Variants in SPECC1L observed in about 807,000 individuals in gnomAD.
SPECC1L encodes cytospin-A.
A neutral mutation model predicts 116.8 loss-of-function variants in SPECC1L; 40 were observed. The observed-to-expected ratio is 0.34, with a 90% CI of 0.27 to 0.45. The LOEUF (loss-of-function observed/expected upper bound fraction) is 0.45, where lower values mean the gene tolerates loss of function less well. SPECC1L is among the 20% of genes least tolerant of loss of function. The pLI is 1.00. For synonymous variants in SPECC1L, 504 were observed against 500.6 expected, an observed-to-expected ratio of 1.01 and a Z score of -0.09; for missense variants, 1,110 against 1,373.6, an observed-to-expected ratio of 0.81 and a Z score of 3.03.
intron 14 of SPECC1L, among the ~76,000 whole-genome samples, chr22:24,403,403 A>T (rs567189153): frequency 1.1e-4 from 17 of 152,348 alleles, no homozygotes; most frequent in African/African-American, 3.1e-4. Flanking sequence ...CTATTATTTT[A>T]AAAAAGTTAA....
Position 24,322,467 on chromosome 22 carries a change from T to A in SPECC1L, c.1487T>A (p.Met496Lys). ...TATATGGAATTAGAGCAACGTTACATGGACCTCGCTGAGAATGCCCGTTTT... is the reference window on the plus strand; with the variant it reads ...TATATGGAATTAGAGCAACGTTACAAGGACCTCGCTGAGAATGCCCGTTTT... ...GRYMELEQRYMDLAENARFER... is the reference protein window; with the variant it reads ...GRYMELEQRYKDLAENARFER... The change falls in exon 5 of 17, where the codon ATG becomes AAG. Residue 496 changes from methionine (M) to lysine (K), a missense_variant. By Grantham distance (95) the Met-to-Lys change is moderately conservative. Around this residue, in one of 4 missense-constraint regions of SPECC1L, gnomAD observed 575 missense variants for 682.4 expected, o/e 0.84. Coordinates refer to ENST00000314328, the MANE Select transcript of SPECC1L (RefSeq NM_015330.6). The A allele has an allele frequency of 6.2e-7, 1 of 1,614,204 alleles. No individual in the cohort carries two copies. Among genetic ancestry groups the A allele is most frequent in the Non-Finnish European group, 8.5e-7 (1 of 1,180,046 alleles).
intron 16 of SPECC1L, among the ~76,000 whole-genome samples, chr22:24,413,152 G>A (rs1180232316): frequency 2.0e-5 from 3 of 152,190 alleles, no homozygotes; most frequent in Non-Finnish European, 2.9e-5. Flanking sequence ...CAAGGCAGGC[G>A]GCTTTAGAGG....
At chr22:24,302,070 A>C (rs2146404238) in intron 2 of SPECC1L, 125 bp from the exon 3 acceptor site, 1 of 789,720 alleles carries the variant, frequency 1.3e-6, no homozygotes, top group Non-Finnish European at 2.0e-6. Flanking sequence ...ATTTTTTTTC[A>C]ACTTTTCTGT....
intron 14 of SPECC1L, among the ~76,000 whole-genome samples, chr22:24,370,918 G>A (rs1373670219): frequency 4.0e-5 from 6 of 151,718 alleles, no homozygotes; most frequent in Non-Finnish European, 7.4e-5. Flanking sequence ...GCCAGGGGCT[G>A]GGGGAGGGAA....
chr22:24,393,486 A>G (rs947896379), intron 14 of SPECC1L, among the ~76,000 whole-genome samples: 1 of 152,212 alleles, frequency 6.6e-6, no homozygotes, highest in Non-Finnish European at 1.5e-5. Flanking sequence ...GCGTCCACCC[A>G]GGATATCTTC....
At chr22:24,323,935 G>T (rs1458448995) in intron 5 of SPECC1L, among the ~76,000 whole-genome samples, 1 of 152,154 alleles carries the variant, frequency 6.6e-6, no homozygotes, top group Non-Finnish European at 1.5e-5. Context: ...TCCAAAGTTA[G>T]GAGAAACGAA....
intron 12 of SPECC1L, among the ~76,000 whole-genome samples, chr22:24,365,170 G>C (rs2041731434): frequency 6.6e-6 from 1 of 151,996 alleles, no homozygotes; most frequent in African/African-American, 2.4e-5. Flanking sequence ...ACCATGCCTG[G>C]CTAATTTTTG....
At chr22:24,379,235 A>T (rs1422590240) in intron 14 of SPECC1L, among the ~76,000 whole-genome samples, 3 of 151,820 alleles carry the variant, frequency 2.0e-5, no homozygotes, top group Admixed American at 2.0e-4. Flanking sequence ...AAAAATAGCC[A>T]GGCATGGTAG....
chr22:24,322,936 T>G lies in SPECC1L; in HGVS notation c.1938+18T>G, dbSNP rs202003115. On this transcript the variant is annotated intron_variant, in intron 5 of 16. Coordinates refer to ENST00000314328, the MANE Select transcript of SPECC1L (RefSeq NM_015330.6). ...TTGCTAAGGTATTGTTTAAATAGAT[T>G]AAAATGTTCCGGACAGCATTAGGCA... 114 of 1,613,404 alleles carry G rather than the reference T, an allele frequency of 7.1e-5. No homozygotes were observed. The highest frequency in any genetic ancestry group is 8.8e-5 in the Non-Finnish European group (104 of 1,179,816).
chr22:24,316,741 T>G (rs1158191701), intron 4 of SPECC1L, among the ~76,000 whole-genome samples: 12 of 149,534 alleles, frequency 8.0e-5, no homozygotes, highest in Non-Finnish European at 1.6e-4. Flanking sequence ...CCCCCCTTTC[T>G]ATTCCACAAA....
intron 4 of SPECC1L, among the ~76,000 whole-genome samples, chr22:24,318,357 C>T (rs1019772580): frequency 1.1e-4 from 16 of 152,006 alleles, no homozygotes; most frequent in African/African-American, 3.9e-4. Context: ...CGTCTCCACC[C>T]AAAAAATACG....
At chr22:24,387,005 T>TCCTTATCCC in intron 14 of SPECC1L, among the ~76,000 whole-genome samples, 1 of 152,192 alleles carries the variant, frequency 6.6e-6, no homozygotes, top group South Asian at 2.1e-4. Flanking sequence ...AAAAAGCTGA[T>TCCTTATCCC]AACACCAAGT....
intron 1 of SPECC1L, among the ~76,000 whole-genome samples, chr22:24,271,551 GA>G (rs2048727924): frequency 6.6e-6 from 1 of 152,264 alleles, no homozygotes; most frequent in Non-Finnish European, 1.5e-5. Context: ...GGTTGGATGT[GA>G]ATAATCCGGT....
At chr22:24,351,914 G>C (rs1189173538) in intron 11 of SPECC1L, among the ~76,000 whole-genome samples, 1 of 151,702 alleles carries the variant, frequency 6.6e-6, no homozygotes, top group Non-Finnish European at 1.5e-5. Flanking sequence ...GCGTGAACCC[G>C]GGAGGCGGAG....
intron 11 of SPECC1L, among the ~76,000 whole-genome samples, chr22:24,361,659 G>A (rs550494774): frequency 0.014 from 2,145 of 152,010 alleles, 56 homozygotes; most frequent in African/African-American, 0.049. Flanking sequence ...AGTCAGGTGT[G>A]GTGGCTCACA....
At chr22:24,320,710 A>T (rs960570349) in intron 4 of SPECC1L, among the ~76,000 whole-genome samples, 1 of 152,236 alleles carries the variant, frequency 6.6e-6, no homozygotes, top group Non-Finnish European at 1.5e-5. Flanking sequence ...AGCTATTGTT[A>T]TAATTGTTAT....
chr22:24,345,262 GA>G (rs998489057), intron 10 of SPECC1L, among the ~76,000 whole-genome samples: 2 of 150,346 alleles, frequency 1.3e-5, no homozygotes, highest in African/African-American at 4.9e-5. Context: ...TAACTGTATA[GA>G]AAAAAAAATA....
chr22:24,334,015 T>G (rs534671037), intron 8 of SPECC1L, among the ~76,000 whole-genome samples: 107 of 115,086 alleles, frequency 9.3e-4, no homozygotes, highest in African/African-American at 5.1e-3. Flanking sequence ...TTTTTTGTTG[T>G]TTTTTTTTTT....
intron 14 of SPECC1L, among the ~76,000 whole-genome samples, chr22:24,400,792 G>C (rs1404335996): frequency 6.6e-6 from 1 of 152,120 alleles, no homozygotes; most frequent in South Asian, 2.1e-4. Flanking sequence ...GTTTTGATTT[G>C]CATTTCCTTA....
Sources: allele counts gnomAD v4.1 joint callset (sites outside exome capture counted in the v4.1 genomes callset), GRCh38; gene constraint gnomAD v4.1.1; regional missense constraint gnomAD v4.1.1; transcripts MANE v1.5; gene names NCBI Gene and HGNC (gene_info 2026-07-23, HGNC 2026-07-21).